The following DPYD variants were observed in gnomAD, a reference collection of about 807,000 sequenced individuals.
The protein encoded by DPYD is dihydropyrimidine dehydrogenase, also known as dihydropyrimidine dehydrogenase [NADP(+)].
Under a neutral mutation model 116.2 loss-of-function variants are expected in DPYD, and 109 were observed. The ratio of observed to expected loss-of-function variants is 0.94; its 90% CI spans 0.80 to 1.10. The LOEUF (loss-of-function observed/expected upper bound fraction) is 1.10, where lower values mean the gene tolerates loss of function less well. DPYD is among the 50% of genes least tolerant of loss of function. DPYD has a pLI of 0.00. For synonymous variants in DPYD, 440 were observed against 432.0 expected (o/e 1.02, Z -0.23); for missense variants, 1,302 against 1,254.5 (o/e 1.04, Z -0.57).
intron 13 of DPYD, among the ~76,000 whole-genome samples, chr1:97,455,863 T>C (rs1199864083): frequency 3.9e-5 from 6 of 151,912 alleles, no homozygotes; most frequent in Non-Finnish European, 8.8e-5. Context: ...TTTTCTCTTG[T>C]AGTAGCTTAT....
intron 1 of DPYD, among the ~76,000 whole-genome samples, chr1:97,909,748 T>C (rs1056450902): frequency 6.6e-6 from 1 of 152,120 alleles, no homozygotes; most frequent in Non-Finnish European, 1.5e-5. Context: ...ACGCTGTCTT[T>C]AAGTAATCTT....
intron 20 of DPYD, among the ~76,000 whole-genome samples, chr1:97,099,828 G>A (rs1164244240): frequency 6.6e-6 from 1 of 152,058 alleles, no homozygotes; most frequent in East Asian, 1.9e-4. Flanking sequence ...AGAGACCTCA[G>A]TAGAGTAGGT....
intron 13 of DPYD, among the ~76,000 whole-genome samples, chr1:97,477,681 C>T (rs1031708551): frequency 5.4e-5 from 8 of 147,566 alleles, no homozygotes; most frequent in African/African-American, 2.0e-4. Context: ...ACTGCAGTGG[C>T]GCAATCTCGG....
chr1:97,533,565 C>A (rs1649791412), intron 12 of DPYD, among the ~76,000 whole-genome samples: 1 of 152,026 alleles, frequency 6.6e-6, no homozygotes, highest in Admixed American at 6.5e-5. Context: ...TGCCTGACAG[C>A]AAATCCATGT....
intron 20 of DPYD, among the ~76,000 whole-genome samples, chr1:97,166,069 T>G (rs1442658401): frequency 6.6e-6 from 1 of 152,146 alleles, no homozygotes; most frequent in Non-Finnish European, 1.5e-5. Context: ...GCAATCCCAT[T>G]ACTGGGTTTA....
chr1:97,801,541 TA>T (rs1471477771), intron 3 of DPYD, among the ~76,000 whole-genome samples: 1 of 151,794 alleles, frequency 6.6e-6, no homozygotes, highest in African/African-American at 2.4e-5. Context: ...AGAAGAAAAA[TA>T]AATTAGAAAA....
intron 14 of DPYD, among the ~76,000 whole-genome samples, chr1:97,428,498 A>G (rs1170713748): frequency 6.6e-6 from 1 of 152,134 alleles, no homozygotes; most frequent in African/African-American, 2.4e-5. Flanking sequence ...GTAAGATGGA[A>G]GCAATAGAGG....
intron 13 of DPYD, among the ~76,000 whole-genome samples, chr1:97,465,219 C>T (rs1570777362): frequency 6.6e-6 from 1 of 152,292 alleles, no homozygotes; most frequent in Non-Finnish European, 1.5e-5. Context: ...TCTCTACCCT[C>T]ATTTTATCTA....
chr1:97,771,204 T>G (rs1666125019), intron 3 of DPYD, among the ~76,000 whole-genome samples: 1 of 151,804 alleles, frequency 6.6e-6, no homozygotes, highest in South Asian at 2.1e-4. Context: ...CGCCAGGGGG[T>G]AGTGGAGGTT....
chr1:97,628,708 A>G (rs996064300), intron 8 of DPYD, among the ~76,000 whole-genome samples: 13 of 152,024 alleles, frequency 8.6e-5, no homozygotes, highest in African/African-American at 3.1e-4. Flanking sequence ...ATATGCATAC[A>G]TGCAAAAAAA....
intron 19 of DPYD, among the ~76,000 whole-genome samples, chr1:97,214,523 G>C (rs1197052194): frequency 3.3e-5 from 5 of 152,196 alleles, no homozygotes; most frequent in Admixed American, 3.3e-4. Context: ...AAGTGTAGAA[G>C]AGAGTAATAT....
chr1:97,317,151 G>T (rs2101082082), intron 16 of DPYD, among the ~76,000 whole-genome samples: 1 of 151,926 alleles, frequency 6.6e-6, no homozygotes, highest in Admixed American at 6.6e-5. Flanking sequence ...TTATGTGTGG[G>T]ATATTATTTA....
At chr1:97,364,502 T>C (rs1248206576) in intron 16 of DPYD, among the ~76,000 whole-genome samples, 1 of 152,214 alleles carries the variant, frequency 6.6e-6, no homozygotes, top group Non-Finnish European at 1.5e-5. Context: ...AAAATTGTAA[T>C]TCATGCTTTA....
intron 14 of DPYD, among the ~76,000 whole-genome samples, chr1:97,383,726 T>G (rs1416672393): frequency 2.0e-5 from 3 of 151,858 alleles, no homozygotes; most frequent in Non-Finnish European, 4.4e-5. Flanking sequence ...TGAGCAAGAG[T>G]CTGTGCTTTT....
intron 12 of DPYD, among the ~76,000 whole-genome samples, chr1:97,548,914 T>G (rs1326781496): frequency 6.6e-6 from 1 of 152,156 alleles, no homozygotes; most frequent in Admixed American, 6.5e-5. Flanking sequence ...TTATAATTAA[T>G]GTAGATTCTA....
At chr1:97,351,193 G>C (rs185940629) in intron 16 of DPYD, among the ~76,000 whole-genome samples, 1 of 152,104 alleles carries the variant, frequency 6.6e-6, no homozygotes, top group Non-Finnish European at 1.5e-5. Context: ...ACCGAGAAGA[G>C]AGTAATTAAA....
intron 18 of DPYD, among the ~76,000 whole-genome samples, chr1:97,243,339 A>AT (rs1398555942): frequency 6.6e-6 from 1 of 151,994 alleles, no homozygotes; most frequent in Non-Finnish European, 1.5e-5. Flanking sequence ...GTGCTTTCTA[A>AT]TTGACAGATA....
chr1:97,122,847 A>T (rs1484331932), intron 20 of DPYD, among the ~76,000 whole-genome samples: 1 of 152,022 alleles, frequency 6.6e-6, no homozygotes, highest in African/African-American at 2.4e-5. Flanking sequence ...ATAAAACTGT[A>T]TGTGGACCTG....
At chr1:97,742,573 C>G (rs1337828600) in intron 3 of DPYD, among the ~76,000 whole-genome samples, 1 of 152,100 alleles carries the variant, frequency 6.6e-6, no homozygotes, top group African/African-American at 2.4e-5. Context: ...CCCCGAAACA[C>G]TATTGTTGAG....
Sources: allele counts gnomAD v4.1 joint callset (sites outside exome capture counted in the v4.1 genomes callset), GRCh38; gene constraint gnomAD v4.1.1; transcripts MANE v1.5; gene names NCBI Gene and HGNC (gene_info 2026-07-23, HGNC 2026-07-21).